The following KCNT2 variants were observed in gnomAD, a reference collection of about 807,000 sequenced individuals.
KCNT2 encodes the protein potassium sodium-activated channel subfamily T member 2, also known as potassium channel subfamily T member 2.
A neutral mutation model predicts 153.8 loss-of-function variants in KCNT2; 67 were observed. The observed-to-expected ratio is 0.44, with a 90% CI of 0.36 to 0.53. The LOEUF is 0.53. KCNT2 is among the 20% of genes least tolerant of loss of function. The pLI is 0.00. For synonymous variants in KCNT2, 500 were observed against 458.8 expected (o/e 1.09, Z -1.15); for missense variants, 975 against 1,354.8 (o/e 0.72, Z 4.40).
chr1:196,358,822 C>A (rs1667385260), intron 14 of KCNT2, among the ~76,000 whole-genome samples: 1 of 151,918 alleles, frequency 6.6e-6, no homozygotes, highest in Non-Finnish European at 1.5e-5. Flanking sequence ...TCTCATCCTG[C>A]ATGCTGATAT....
At chr1:196,567,470 T>C (rs1473743141) in intron 1 of KCNT2, among the ~76,000 whole-genome samples, 1 of 152,196 alleles carries the variant, frequency 6.6e-6, no homozygotes, top group South Asian at 2.1e-4. Context: ...TTCTATTTTT[T>C]CTTTCATAAT....
chr1:196,228,279 C>T lies in KCNT2; in HGVS notation c.3353G>A (p.Arg1118Lys), dbSNP rs1455712118. 3 of 1,611,622 alleles carry T rather than the reference C, an allele frequency of 1.9e-6. No individual in the cohort carries two copies. Residue 1118 changes from arginine (R) to lysine (K), a missense_variant, in exon 28 of 28, where the codon AGA becomes AAA. By Grantham distance (26) the Arg-to-Lys change is conservative. Around this residue, in one of 6 missense-constraint regions of KCNT2, gnomAD observed 241 missense variants for 271.1 expected, o/e 0.89. Coordinates refer to ENST00000294725, the MANE Select transcript of KCNT2 (RefSeq NM_198503.5). ...ACCAGTGACATTGCAGATGCTGTTT[C>T]TTCGACTGGGCTCACTGTTTGGAAG... ...AYLPNSEPSR[R>K]NSICNVTGQD...
intron 1 of KCNT2, among the ~76,000 whole-genome samples, chr1:196,589,617 T>A (rs1438961031): frequency 6.6e-6 from 1 of 152,076 alleles, no homozygotes; most frequent in African/African-American, 2.4e-5. Flanking sequence ...TCTCCCTTTC[T>A]TATAAAAGTA....
rs572613270 is a variant in KCNT2, at chr1:196,244,939, C to T, written c.3212-8869G>A. On this transcript the variant is annotated intron_variant, in intron 26 of 27. Coordinates refer to ENST00000294725, the MANE Select transcript of KCNT2 (RefSeq NM_198503.5). ...CTTCAGGTCTGACCCATTGCAGTCC[C>T]AGTAGTGCTGGCCAGAGGGGTGCTT... Among the ~76,000 whole-genome samples the T allele has an allele frequency of 1.8e-3, 279 of 152,254 alleles. 2 individuals are homozygous for T. The highest frequency in any genetic ancestry group is 3.3e-3 in the South Asian group (16 of 4,822).
intron 1 of KCNT2, among the ~76,000 whole-genome samples, chr1:196,537,861 G>A (rs538776287): frequency 2.0e-5 from 3 of 152,336 alleles, no homozygotes; most frequent in East Asian, 1.9e-4. Flanking sequence ...GGGGGAGCCT[G>A]CAATTGGAGC....
rs534226345 is a variant in KCNT2 at position 196,322,695 on chromosome 1, C to T, written c.2277-3140G>A. Among the ~76,000 whole-genome samples the T allele has an allele frequency of 2.0e-5, 3 of 151,866 alleles. No homozygotes were observed. In the South Asian group the frequency reaches 6.2e-4, roughly 31 times the overall value. On this transcript the variant is annotated intron_variant, in intron 19 of 27. Coordinates refer to ENST00000294725, the MANE Select transcript of KCNT2 (RefSeq NM_198503.5). ...TAAAATTCAAGGCCATTATTTTGTTCCCATTTAACTAATAACAATTAAAAA... is the reference window on the plus strand; with the variant it reads ...TAAAATTCAAGGCCATTATTTTGTTTCCATTTAACTAATAACAATTAAAAA...
chr1:196,397,615 G>GA (rs1671054163), intron 13 of KCNT2, among the ~76,000 whole-genome samples: 1 of 151,212 alleles, frequency 6.6e-6, no homozygotes, highest in Admixed American at 6.6e-5. Context: ...ACATTGTTAG[G>GA]AAAAAAAGTG....
intron 25 of KCNT2, among the ~76,000 whole-genome samples, chr1:196,265,224 C>T (rs985259480): frequency 2.6e-5 from 4 of 152,160 alleles, no homozygotes; most frequent in African/African-American, 9.7e-5. Context: ...GGTCTCTCTT[C>T]TTATGTTTTG....
intron 22 of KCNT2, among the ~76,000 whole-genome samples, chr1:196,292,887 G>A (rs1231033499): frequency 6.8e-6 from 1 of 146,420 alleles, no homozygotes; most frequent in South Asian, 2.2e-4. Context: ...ACAGTATATT[G>A]AAACCTTAAC....
intron 21 of KCNT2, among the ~76,000 whole-genome samples, chr1:196,307,434 C>A (rs1439288297): frequency 6.6e-6 from 1 of 151,992 alleles, no homozygotes; most frequent in Non-Finnish European, 1.5e-5. Flanking sequence ...AGTTTGGCTG[C>A]CCAGTATCTG....
chr1:196,599,959 T>C (rs937741468), intron 1 of KCNT2, among the ~76,000 whole-genome samples: 1 of 152,162 alleles, frequency 6.6e-6, no homozygotes, highest in African/African-American at 2.4e-5. Flanking sequence ...GAGAGACAAA[T>C]AAGTCTAATA....
chr1:196,437,692 A>G (rs1398470343), intron 8 of KCNT2, among the ~76,000 whole-genome samples: 1 of 150,958 alleles, frequency 6.6e-6, no homozygotes, highest in Non-Finnish European at 1.5e-5. Context: ...ATACCTATAA[A>G]TTTTAAATAA....
At chr1:196,367,549 T>C (rs539568738) in intron 14 of KCNT2, among the ~76,000 whole-genome samples, 2 of 152,130 alleles carry the variant, frequency 1.3e-5, no homozygotes, top group East Asian at 3.9e-4. Context: ...AATATTTACA[T>C]AACTAACAGA....
intron 8 of KCNT2, among the ~76,000 whole-genome samples, chr1:196,460,580 A>G (rs915629915): frequency 6.6e-6 from 1 of 151,738 alleles, no homozygotes; most frequent in Admixed American, 6.6e-5. Flanking sequence ...TAGAAGAAAC[A>G]CTGATAATTA....
chr1:196,528,124 A>G (rs1326198321), intron 1 of KCNT2, among the ~76,000 whole-genome samples: 1 of 152,228 alleles, frequency 6.6e-6, no homozygotes, highest in African/African-American at 2.4e-5. Context: ...CTGTCAAAAC[A>G]TCCGGTTTCA....
At chr1:196,560,267 A>G (rs1203453626) in intron 1 of KCNT2, among the ~76,000 whole-genome samples, 1 of 151,938 alleles carries the variant, frequency 6.6e-6, no homozygotes, top group African/African-American at 2.4e-5. Context: ...AATTAGGTAA[A>G]GGGAACGGTG....
At chr1:196,428,913 C>G (rs1168636725) in intron 9 of KCNT2, among the ~76,000 whole-genome samples, 1 of 152,006 alleles carries the variant, frequency 6.6e-6, no homozygotes, top group African/African-American at 2.4e-5. Flanking sequence ...GAGATTGCAT[C>G]TACTTATCTT....
At chr1:196,415,153 C>A (rs1435931015) in intron 12 of KCNT2, among the ~76,000 whole-genome samples, 1 of 151,802 alleles carries the variant, frequency 6.6e-6, no homozygotes, top group Non-Finnish European at 1.5e-5. Context: ...ACAGTCCCTA[C>A]AAAATGATAC....
intron 13 of KCNT2, among the ~76,000 whole-genome samples, chr1:196,383,959 C>T (rs554633713): frequency 3.9e-5 from 6 of 152,174 alleles, no homozygotes; most frequent in African/African-American, 1.2e-4. Flanking sequence ...AATCACAAAA[C>T]GCTGTAATTC....
Sources: gnomAD v4.1 joint callset for allele counts (sites outside exome capture counted in the v4.1 genomes callset) on GRCh38, gnomAD v4.1.1 for gene constraint, gnomAD v4.1.1 regional missense constraint, MANE v1.5 for transcripts, NCBI Gene and HGNC (gene_info 2026-07-23, HGNC 2026-07-21) for gene names.